The following PSMB7 variants were observed in gnomAD, a reference collection of about 807,000 sequenced individuals.
The protein encoded by PSMB7 is proteasome 20S subunit beta 7, also known as proteasome subunit beta type-7.
Under a neutral mutation model 28.1 loss-of-function variants are expected in PSMB7, and 5 were observed. The ratio of observed to expected loss-of-function variants is 0.18; its 90% CI spans 0.09 to 0.37. PSMB7 has a LOEUF of 0.37. PSMB7 is among the 10% of genes least tolerant of loss of function. The pLI, the probability that PSMB7 is intolerant of heterozygous loss-of-function variation, is 1.00. For synonymous variants in PSMB7, 122 were observed against 123.7 expected, an observed-to-expected ratio of 0.99 and a Z score of 0.09; for missense variants, 275 against 346.2, an observed-to-expected ratio of 0.79 and a Z score of 1.63.
At chr9:124,368,132 CACAGAAAAAGAA>C (rs1296379402) in intron 6 of PSMB7, among the ~76,000 whole-genome samples, 1 of 152,176 alleles carries the variant, frequency 6.6e-6, no homozygotes, top group Admixed American at 6.5e-5. Context: ...TCTAAAAAGA[CACAGAAAAAGAA>C]GGCAGACTTA....
rs991597231 is a variant in PSMB7, at chr9:124,399,711, C to T, written c.511+5606G>A. Among the ~76,000 whole-genome samples, 3 of 152,190 alleles carry T rather than the reference C, an allele frequency of 2.0e-5. 1 individual carries two copies. The highest frequency in any genetic ancestry group is 4.1e-4 in the South Asian group (2 of 4,832). On this transcript the variant is annotated intron_variant, in intron 5 of 7. Coordinates refer to ENST00000259457, the MANE Select transcript of PSMB7 (RefSeq NM_002799.4). The stretch of plus-strand genomic sequence containing the variant: ...GCTGAGGAACGCCAGGAGAGAATGA[C>T]GACAGAAACCCAGGATGTGGCCCAG...
At chr9:124,375,173 T>C (rs1830597292) in intron 6 of PSMB7, among the ~76,000 whole-genome samples, 1 of 152,158 alleles carries the variant, frequency 6.6e-6, no homozygotes, top group South Asian at 2.1e-4. Flanking sequence ...TTATCCTTTT[T>C]TTCTTTCTGA....
At chr9:124,387,060 C>T (rs959149500) in intron 5 of PSMB7, among the ~76,000 whole-genome samples, 2 of 152,118 alleles carry the variant, frequency 1.3e-5, no homozygotes, top group African/African-American at 4.8e-5. Context: ...TCCTGGCTAG[C>T]ACAGTGAAAC....
At chr9:124,372,353 TA>T (rs1162246889) in intron 6 of PSMB7, among the ~76,000 whole-genome samples, 2 of 152,200 alleles carry the variant, frequency 1.3e-5, no homozygotes. Context: ...TTTTCAGAAA[TA>T]TTTTTGGGAG....
At chr9:124,369,670 C>A (rs573862099) in intron 6 of PSMB7, among the ~76,000 whole-genome samples, 3 of 152,296 alleles carry the variant, frequency 2.0e-5, no homozygotes, top group South Asian at 2.1e-4. Context: ...GCTGTCCCAA[C>A]TTCCAGGACT....
chr9:124,405,514 T>C, intron 4 of PSMB7, 82 bp from the exon 5 acceptor site: 1 of 946,118 alleles, frequency 1.1e-6, no homozygotes, highest in Non-Finnish European at 1.7e-6. Context: ...GCATGAGAAG[T>C]CAGGTAACAA....
intron 4 of PSMB7, among the ~76,000 whole-genome samples, chr9:124,405,838 A>C (rs1043783784): frequency 6.6e-6 from 1 of 151,998 alleles, no homozygotes; most frequent in Non-Finnish European, 1.5e-5. Flanking sequence ...GTGCACCACC[A>C]CACCTGGCTA....
chr9:124,390,408 G>C (rs1215657917), intron 5 of PSMB7, among the ~76,000 whole-genome samples: 2 of 151,654 alleles, frequency 1.3e-5, no homozygotes, highest in Non-Finnish European at 2.9e-5. Flanking sequence ...TCATTGTTTA[G>C]ATTAAAGGGG....
At chr9:124,359,875 C>T (rs138361687) in intron 6 of PSMB7, among the ~76,000 whole-genome samples, 102 of 152,306 alleles carry the variant, frequency 6.7e-4, no homozygotes, top group Middle Eastern at 6.8e-3. Context: ...CAATGCAACA[C>T]CAGATCAATA....
At chr9:124,409,908 T>C (rs1831010643) in intron 4 of PSMB7, among the ~76,000 whole-genome samples, 1 of 152,240 alleles carries the variant, frequency 6.6e-6, no homozygotes, top group Non-Finnish European at 1.5e-5. Flanking sequence ...ATAATTATGC[T>C]GGTTTATATT....
intron 5 of PSMB7, among the ~76,000 whole-genome samples, chr9:124,399,078 A>T (rs1039131792): frequency 1.3e-5 from 2 of 151,782 alleles, no homozygotes; most frequent in Non-Finnish European, 2.9e-5. Context: ...CTGGGACCAC[A>T]CAAATGGAAC....
chr9:124,353,823 T>G (rs10818946), intron 7 of PSMB7, 114 bp from the exon 8 acceptor site: 300,499 of 773,088 alleles, frequency 0.39, 60,225 homozygotes, highest in South Asian at 0.43. Flanking sequence ...GACTGGAATC[T>G]TGGCTCTCCC....
chr9:124,395,396 G>A (rs1830829709), intron 5 of PSMB7, among the ~76,000 whole-genome samples: 1 of 151,952 alleles, frequency 6.6e-6, no homozygotes, highest in African/African-American at 2.4e-5. Context: ...GGGAGGCAGA[G>A]GTAGGAGGAT....
intron 6 of PSMB7, among the ~76,000 whole-genome samples, chr9:124,360,325 T>C (rs944278306): frequency 1.1e-4 from 16 of 152,368 alleles, no homozygotes; most frequent in Admixed American, 3.9e-4. Context: ...TTAGGATTAG[T>C]TCTTCGTAGG....
chr9:124,362,395 G>A (rs937594948), intron 6 of PSMB7, among the ~76,000 whole-genome samples: 1 of 152,230 alleles, frequency 6.6e-6, no homozygotes, highest in Non-Finnish European at 1.5e-5. Flanking sequence ...TCCATGCCAG[G>A]AGGAAGGGGT....
intron 5 of PSMB7, among the ~76,000 whole-genome samples, chr9:124,403,202 C>T (rs1830929580): frequency 6.6e-6 from 1 of 151,878 alleles, no homozygotes; most frequent in African/African-American, 2.4e-5. Context: ...AATCCCAATT[C>T]TTCTAAATAT....
intron 6 of PSMB7, among the ~76,000 whole-genome samples, chr9:124,359,727 G>C (rs1404576221): frequency 6.6e-6 from 1 of 152,156 alleles, no homozygotes; most frequent in African/African-American, 2.4e-5. Context: ...GGTGTTTGCC[G>C]GTTTCTCTCT....
chr9:124,361,435 C>G (rs1170845604), intron 6 of PSMB7, among the ~76,000 whole-genome samples: 2 of 152,208 alleles, frequency 1.3e-5, no homozygotes, highest in African/African-American at 4.8e-5. Context: ...GGGGACAAAA[C>G]AGACCCCCAA....
chr9:124,355,535 G>A (rs980224128), intron 7 of PSMB7, among the ~76,000 whole-genome samples: 1 of 152,126 alleles, frequency 6.6e-6, no homozygotes, highest in African/African-American at 2.4e-5. Context: ...CTCAAATCAC[G>A]CATCTTGCAA....
Sources: gnomAD v4.1 joint callset for allele counts (sites outside exome capture counted in the v4.1 genomes callset) on GRCh38, gnomAD v4.1.1 for gene constraint, MANE v1.5 for transcripts, NCBI Gene and HGNC (gene_info 2026-07-23, HGNC 2026-07-21) for gene names.